Variants in CNMD observed in about 807,000 individuals in gnomAD.
CNMD encodes the protein chondromodulin, also known as leukocyte cell-derived chemotaxin 1.
In CNMD, 30 loss-of-function variants were observed where a neutral mutation model predicts 37.5. That is an observed-to-expected ratio of 0.80 (90% CI 0.60 to 1.09). The LOEUF is 1.09. CNMD is among the 50% of genes least tolerant of loss of function. The probability of loss-of-function intolerance (pLI) is 0.00; values close to 1 mark genes in which losing one functional copy is unlikely to be tolerated. For synonymous variants in CNMD, 167 were observed against 148.2 expected (o/e 1.13, Z -0.92); for missense variants, 398 against 423.9 (o/e 0.94, Z 0.54).
chr13:52,739,645 TTCCACGTCATCAGG>T lies in CNMD; in HGVS notation c.43_56del (p.Pro15IlefsTer83). 1 of 1,614,118 alleles carries T rather than the reference TTCCACGTCATCAGG, an allele frequency of 6.2e-7. No individual in the cohort carries two copies. Among genetic ancestry groups the T allele is most frequent in the East Asian group, 2.2e-5 (1 of 44,874 alleles). On this transcript the variant is annotated frameshift_variant, in exon 1 of 7. Transcript: ENST00000377962. LOFTEE classifies it high-confidence loss of function. This position sits in a 1 kb window ranked among gnomAD's most constrained non-coding sequence, Gnocchi z 5.4. ...CGGTACTCACCGGGGGGCTGCAGAA[TTCCACGTCATCAGG>T]TCCCACCAGGGCAATGGGAACTTTG...
rs76027197 is a variant in CNMD at position 52,738,363 on chromosome 13, T to C, written c.213+668A>G. On this transcript the variant is annotated intron_variant, in intron 2 of 6. Transcript: ENST00000377962. ...TGGAGCTTTAAAATAAATAGTTGCA[T>C]ACAAAGAAAGTAGGACAGCAGTTAG... Among the ~76,000 whole-genome samples the C allele has an allele frequency of 5.1e-3, 784 of 152,284 alleles. 3 individuals carry two copies. The highest frequency in any genetic ancestry group is 0.017 in the African/African-American group (725 of 41,566).
At chr13:52,725,607 C>T (rs1221110662) in intron 3 of CNMD, among the ~76,000 whole-genome samples, 1 of 152,176 alleles carries the variant, frequency 6.6e-6, no homozygotes, top group Non-Finnish European at 1.5e-5. Context: ...GTTTACTCTC[C>T]TCCTGCTGCT....
chr13:52,717,029 A>C (rs765548117), intron 4 of CNMD, among the ~76,000 whole-genome samples: 44 of 152,136 alleles, frequency 2.9e-4, no homozygotes, highest in Non-Finnish European at 1.9e-4. Context: ...TTCATTGAGC[A>C]GTGGTTTGTA....
intron 3 of CNMD, among the ~76,000 whole-genome samples, chr13:52,727,579 A>G (rs1195532370): frequency 6.6e-6 from 1 of 151,154 alleles, no homozygotes; most frequent in Non-Finnish European, 1.5e-5. Flanking sequence ...GATCACTGGT[A>G]TATATATATA....
intron 6 of CNMD, among the ~76,000 whole-genome samples, chr13:52,707,059 A>T (rs1454919304): frequency 6.6e-6 from 1 of 151,640 alleles, no homozygotes; most frequent in Non-Finnish European, 1.5e-5. Context: ...GTGCCAGCTA[A>T]TTTTTTGTAT....
chr13:52,739,546 T>TG lies in CNMD; in HGVS notation c.72+83dup. The TG allele has an allele frequency of 1.6e-6, 2 of 1,237,428 alleles. No homozygotes were observed. The highest frequency in any genetic ancestry group is 2.4e-6 in the Non-Finnish European group (2 of 842,268). 76.7% of individuals were successfully genotyped at this position (1,237,428 alleles called of 1,614,324 possible). A position where few individuals can be genotyped will look rare whatever the true frequency, so the allele number is the denominator to read the frequency against. Reference sequence around the variant, plus strand: ...TCCCCCCGCCAACACACCCATTCGGTGGCACGCACCCCTGAGTCCGAACTG... The same window carrying TG: ...TCCCCCCGCCAACACACCCATTCGGTGGGCACGCACCCCTGAGTCCGAACTG... On this transcript the variant is annotated intron_variant, in intron 1 of 6. Transcript: ENST00000377962. This position sits in a 1 kb window ranked among gnomAD's most constrained non-coding sequence, Gnocchi z 5.4.
chr13:52,739,434 C>T lies in CNMD; in HGVS notation c.72+196G>A. The T allele has an allele frequency of 3.0e-6, 2 of 671,604 alleles. No individual in the cohort carries two copies. The highest frequency in any genetic ancestry group is 3.7e-5 in the South Asian group (2 of 53,952). The allele number at this position is 671,604 out of a possible 1,614,324, so 41.6% of individuals were successfully genotyped here. A position where few individuals can be genotyped will look rare whatever the true frequency, so the allele number is the denominator to read the frequency against. On this transcript the variant is annotated intron_variant, in intron 1 of 6. Transcript: ENST00000377962. The surrounding 1 kb of genome is among the most constrained non-coding windows in gnomAD (Gnocchi z 5.4). Reference sequence around the variant, plus strand: ...ACCCTCTACCGGCCACGGGACGTCCCTCCGCACCCGCCTGTGGATGCCGTG... The same window carrying T: ...ACCCTCTACCGGCCACGGGACGTCCTTCCGCACCCGCCTGTGGATGCCGTG...
chr13:52,734,266 C>T (rs1052878761), intron 2 of CNMD, among the ~76,000 whole-genome samples: 3 of 152,124 alleles, frequency 2.0e-5, no homozygotes, highest in Admixed American at 6.5e-5. Context: ...TGGGATCTCC[C>T]GGGCATGGCC....
rs554450340 is a variant in CNMD, at chr13:52,735,341, C to T, written c.214-1982G>A. 4.0e-5 allele frequency among the ~76,000 whole-genome samples: 6 copies of T among 150,360 alleles called. No homozygotes were observed. In the East Asian group the frequency reaches 1.2e-3, roughly 30 times the overall value. On this transcript the variant is annotated intron_variant, in intron 2 of 6. Transcript: ENST00000377962. The stretch of plus-strand genomic sequence containing the variant: ...TGGCAGGAAACACCCATGTGAGTGT[C>T]TTCCACTCATATGACAAGAGGTTCT...
intron 3 of CNMD, 135 bp downstream of exon 3, chr13:52,733,084 G>T: frequency 1.2e-6 from 1 of 820,146 alleles, no homozygotes; most frequent in South Asian, 1.5e-5. Flanking sequence ...TACATGTAGT[G>T]GATTAGTGGC....
At chr13:52,726,123 G>T (rs1206637819) in intron 3 of CNMD, among the ~76,000 whole-genome samples, 1 of 152,200 alleles carries the variant, frequency 6.6e-6, no homozygotes, top group Non-Finnish European at 1.5e-5. Flanking sequence ...CACTGCTGAG[G>T]CTTGGCTCTT....
Position 52,739,255 on chromosome 13 carries a change from GC to G in CNMD, c.73-85del, listed in dbSNP as rs533193290. The G allele has an allele frequency of 2.1e-4, 290 of 1,384,418 alleles. 1 individual carries two copies. The South Asian group carries it at 2.8e-3, about 13-fold the overall frequency. 85.8% of individuals were successfully genotyped at this position (1,384,418 alleles called of 1,614,324 possible). A position where few individuals can be genotyped will look rare whatever the true frequency, so the allele number is the denominator to read the frequency against. ...CAGCGCACCCGGGCCCCACGCGGTAGCCCCCAGGGAGTGGGGAGTCGGGCGG... is the reference window on the plus strand; with the variant it reads ...CAGCGCACCCGGGCCCCACGCGGTAGCCCCAGGGAGTGGGGAGTCGGGCGG... On this transcript the variant is annotated intron_variant, in intron 1 of 6. Coordinates refer to ENST00000377962, the MANE Select transcript of CNMD (RefSeq NM_007015.3). The surrounding 1 kb of genome is among the most constrained non-coding windows in gnomAD (Gnocchi z 5.4).
intron 3 of CNMD, among the ~76,000 whole-genome samples, chr13:52,727,623 A>C (rs1964597203): frequency 6.6e-6 from 1 of 152,232 alleles, no homozygotes; most frequent in African/African-American, 2.4e-5. Flanking sequence ...GCCATAGAAA[A>C]GAATGAAATC....
intron 6 of CNMD, among the ~76,000 whole-genome samples, chr13:52,706,068 A>G (rs1964169070): frequency 6.6e-6 from 1 of 152,224 alleles, no homozygotes; most frequent in Non-Finnish European, 1.5e-5. Flanking sequence ...GCAACACCTG[A>G]AATAGTGTTG....
Position 52,708,472 on chromosome 13 carries a change from C to T in CNMD, c.789+64G>A, listed in dbSNP as rs560924204. ...CTAGGATTACAGGCGTAAGCCACCA[C>T]GCCCGGCCTTGGCACTATGTTTAAT... On this transcript the variant is annotated intron_variant, in intron 6 of 6. Coordinates refer to ENST00000377962, the MANE Select transcript of CNMD (RefSeq NM_007015.3). 2.1e-5 allele frequency: 31 copies of T among 1,474,348 alleles called. No homozygotes were observed. The African/African-American group carries it at 2.3e-4, about 11-fold the overall frequency. 91.3% of individuals were successfully genotyped at this position (1,474,348 alleles called of 1,614,324 possible). A position where few individuals can be genotyped will look rare whatever the true frequency, so the allele number is the denominator to read the frequency against.
intron 3 of CNMD, among the ~76,000 whole-genome samples, chr13:52,731,316 C>T (rs939224585): frequency 5.3e-5 from 8 of 152,130 alleles, no homozygotes; most frequent in Admixed American, 2.6e-4. Flanking sequence ...TTTCGCATTC[C>T]GCCTGCTTAG....
chr13:52,737,640 G>A (rs1292347658), intron 2 of CNMD, among the ~76,000 whole-genome samples: 1 of 152,150 alleles, frequency 6.6e-6, no homozygotes, highest in Non-Finnish European at 1.5e-5. Context: ...CATAGCTATT[G>A]TTATCCCCCA....
chr13:52,714,154 C>G (rs1291878546), intron 4 of CNMD, among the ~76,000 whole-genome samples: 4 of 152,146 alleles, frequency 2.6e-5, no homozygotes, highest in East Asian at 1.9e-4. Context: ...TGTCTTTCTT[C>G]CTGACATTTT....
rs750803079 is a variant in CNMD at position 52,739,160 on chromosome 13, C to T, written c.84G>A (p.Thr28=). The change falls in exon 2 of 7, where the codon ACG becomes ACA. Residue 28 remains threonine (T), a synonymous_variant. Transcript: ENST00000377962. The surrounding 1 kb of genome is among the most constrained non-coding windows in gnomAD (Gnocchi z 5.4). ...CGGGGCTGGAGGGCTTCACCGTCAGCGTAGCGTACGCCTGCGGGCCGGGGC... is the reference window on the plus strand; with the variant it reads ...CGGGGCTGGAGGGCTTCACCGTCAGTGTAGCGTACGCCTGCGGGCCGGGGC... ...VEFCSPPAYA[T]LTVKPSSPAR... 1.5e-5 allele frequency: 22 copies of T among 1,510,094 alleles called. No individual in the cohort carries two copies. In the South Asian group the frequency reaches 2.5e-4, roughly 17 times the overall value. The allele number at this position is 1,510,094 out of a possible 1,614,324, so 93.5% of individuals were successfully genotyped here.
Sources: allele counts gnomAD v4.1 joint callset (sites outside exome capture counted in the v4.1 genomes callset), GRCh38; gene constraint gnomAD v4.1.1; non-coding constraint Gnocchi (gnomAD v3.1); transcripts MANE v1.5; gene names NCBI Gene and HGNC (gene_info 2026-07-23, HGNC 2026-07-21).